Variants in FANCD2 observed in about 807,000 individuals in gnomAD.
FANCD2 encodes FA complementation group D2.
FANCD2 carries 131 observed loss-of-function variants against 192.3 expected under a neutral mutation model. The observed-to-expected ratio is 0.68, with a 90% CI of 0.59 to 0.79. The LOEUF is 0.79. Among genes scored for constraint, FANCD2 ranks in the 30% least tolerant of loss-of-function variants. The probability of loss-of-function intolerance (pLI) is 0.00; values close to 1 mark genes in which losing one functional copy is unlikely to be tolerated. For missense variants in FANCD2, 1,508 were observed against 1,701.6 expected, an observed-to-expected ratio of 0.89 and a Z score of 2.00; for synonymous variants, 524 against 612.5, an observed-to-expected ratio of 0.86 and a Z score of 2.13.
chr3:10,059,442 A>G (rs536045051), intron 18 of FANCD2, among the ~76,000 whole-genome samples: 118 of 152,276 alleles, frequency 7.7e-4, no homozygotes, highest in Admixed American at 4.9e-3. Flanking sequence ...ATTATTATTG[A>G]ATGTCTATCA....
chr3:10,064,906 T>C (rs2087675581), intron 23 of FANCD2, 31 bp downstream of exon 23: 1 of 1,611,670 alleles, frequency 6.2e-7, no homozygotes, highest in Admixed American at 1.7e-5. Flanking sequence ...CTAAACCTGT[T>C]AGTGTTTTGA....
At chr3:10,077,769 C>T (rs1257120959) in intron 29 of FANCD2, among the ~76,000 whole-genome samples, 2 of 151,796 alleles carry the variant, frequency 1.3e-5, no homozygotes, top group Non-Finnish European at 1.5e-5. Context: ...GTGGTTCATA[C>T]CTGTAATCCT....
intron 26 of FANCD2, among the ~76,000 whole-genome samples, chr3:10,068,306 A>T (rs959944088): frequency 7.9e-5 from 12 of 152,332 alleles, no homozygotes; most frequent in African/African-American, 2.6e-4. Flanking sequence ...CAAAATCATC[A>T]TATAAAAATG....
chr3:10,074,392 C>A, intron 28 of FANCD2, 138 bp from the exon 29 acceptor site: 1 of 751,856 alleles, frequency 1.3e-6, no homozygotes, highest in Non-Finnish European at 2.1e-6. Flanking sequence ...GGGACTTGGG[C>A]TAGAGGAAGT....
chr3:10,042,429 T>G lies in FANCD2; in HGVS notation c.784-130T>G, dbSNP rs564373560. 1.3e-5 allele frequency: 10 copies of G among 789,116 alleles called. No individual in the cohort carries two copies. In the Admixed American group the frequency reaches 1.5e-4, roughly 12 times the overall value. 48.9% of individuals were successfully genotyped at this position (789,116 alleles called of 1,614,324 possible). ...TTTGGGGAAAAATCTAAAATTTTGT[T>G]TTTCCCTAAATTATAAGTGGGAAGA... On this transcript the variant is annotated intron_variant, in intron 10 of 43. Transcript: ENST00000675286.
intron 25 of FANCD2, 63 bp downstream of exon 25, chr3:10,066,042 A>T (rs2087711108): frequency 9.6e-7 from 1 of 1,039,952 alleles, no homozygotes; most frequent in South Asian, 1.3e-5. Context: ...CTATTTTCTT[A>T]GTTCCCACAA....
At chr3:10,048,627 A>G (rs1415487656) in intron 16 of FANCD2, among the ~76,000 whole-genome samples, 2 of 152,218 alleles carry the variant, frequency 1.3e-5, no homozygotes, top group South Asian at 2.1e-4. Flanking sequence ...AATAGCATAT[A>G]TCCAGAGAGG....
chr3:10,055,766 C>T (rs2087390873), intron 18 of FANCD2, among the ~76,000 whole-genome samples: 1 of 151,418 alleles, frequency 6.6e-6, no homozygotes, highest in Non-Finnish European at 1.5e-5. Context: ...GAGCCGAGAT[C>T]GCATCACTGC....
chr3:10,068,720 G>A (rs2087787257), intron 26 of FANCD2, among the ~76,000 whole-genome samples: 2 of 150,838 alleles, frequency 1.3e-5, no homozygotes, highest in South Asian at 4.2e-4. Context: ...GAAACTGGAG[G>A]AATCGCATTA....
chr3:10,038,652 C>G (rs2086789239), intron 7 of FANCD2, among the ~76,000 whole-genome samples: 2 of 147,606 alleles, frequency 1.4e-5, no homozygotes, highest in Non-Finnish European at 3.0e-5. Context: ...ACGATCTCAA[C>G]TCACTGCAAC....
Position 10,092,231 on chromosome 3 carries a change from T to C in FANCD2, c.3828T>C (p.Ser1276=). 6.2e-7 allele frequency: 1 copy of C among 1,613,716 alleles called. No homozygotes were observed. Among genetic ancestry groups the C allele is most frequent in the Non-Finnish European group, 8.5e-7 (1 of 1,179,596 alleles). Residue 1276 remains serine (S), a synonymous_variant, in exon 38 of 44, where the codon AGT becomes AGC. Transcript: ENST00000675286. ...GGAACATGGCTGTTCGAGACTTCAG[T>C]ATCCTCATCAACTTGATAAAGGTGA... ...LYWNMAVRDF[S]ILINLIKVFD...
At chr3:10,084,032 C>T (rs1040654256) in intron 32 of FANCD2, among the ~76,000 whole-genome samples, 2 of 151,584 alleles carry the variant, frequency 1.3e-5, no homozygotes, top group Non-Finnish European at 2.9e-5. Flanking sequence ...CTCACTCTGT[C>T]GCTCAGGCTG....
chr3:10,073,475 C>G lies in FANCD2; in HGVS notation c.2715+113C>G, dbSNP rs35403996. 5.2e-3 allele frequency: 4,560 copies of G among 878,450 alleles called. 148 individuals are homozygous for G. In the African/African-American group the frequency reaches 0.067, roughly 13 times the overall value. The allele number at this position is 878,450 out of a possible 1,614,324, so 54.4% of individuals were successfully genotyped here. ...AAAAAAAAATTAGGAAACAGCGAGC[C>G]AAAACTCTCTTAGGCGTTGGAGTAA... On this transcript the variant is annotated intron_variant, in intron 28 of 43. Coordinates refer to ENST00000675286, the MANE Select transcript of FANCD2 (RefSeq NM_001018115.3).
chr3:10,060,044 G>T (rs2087520054), intron 18 of FANCD2, among the ~76,000 whole-genome samples: 2 of 151,750 alleles, frequency 1.3e-5, no homozygotes, highest in African/African-American at 4.8e-5. Context: ...GCGGGTGCCT[G>T]TAATCCCAGT....
At chr3:10,100,458 GTCTCCCGAGTTCAAGCAAT>G (rs1164185662) in intron 43 of FANCD2, among the ~76,000 whole-genome samples, 1 of 152,104 alleles carries the variant, frequency 6.6e-6, no homozygotes, top group Non-Finnish European at 1.5e-5. Context: ...ACTGCAGTCT[GTCTCCCGAGTTCAAGCAAT>G]TCTCCTGCCT....
At chr3:10,071,508 A>G (rs542754825) in intron 26 of FANCD2, among the ~76,000 whole-genome samples, 6 of 152,236 alleles carry the variant, frequency 3.9e-5, no homozygotes, top group Non-Finnish European at 8.8e-5. Flanking sequence ...ATTCAGCCAT[A>G]AAAAACAATG....
intron 26 of FANCD2, among the ~76,000 whole-genome samples, chr3:10,070,555 G>A (rs1490826827): frequency 7.0e-6 from 1 of 142,834 alleles, no homozygotes; most frequent in Admixed American, 6.9e-5. Context: ...GAGGTGAGGG[G>A]CGCCTCTGCC....
chr3:10,052,388 G>T lies in FANCD2; in HGVS notation c.1547G>T (p.Gly516Val). 6.3e-7 allele frequency: 1 copy of T among 1,592,380 alleles called. No homozygotes were observed. The highest frequency in any genetic ancestry group is 8.6e-7 in the Non-Finnish European group (1 of 1,160,352). Residue 516 changes from glycine (G) to valine (V), a missense_variant and splice_region_variant, in exon 18 of 44, where the codon GGC becomes GTC. Physicochemically the swap from Gly to Val is moderately radical, Grantham distance 109. Around this residue, in one of 5 missense-constraint regions of FANCD2, gnomAD observed 110 missense variants for 114.4 expected, o/e 0.96. Transcript: ENST00000675286. ...AMMMNAVFVKGILDYLDNISP... is the reference protein window; with the variant it reads ...AMMMNAVFVKVILDYLDNISP... ...TTGTTGGCATCATTTTTTCCACAGG[G>T]CATTTTAGATTATCTGGATAACATA...
At chr3:10,070,615 C>T (rs1405362599) in intron 26 of FANCD2, among the ~76,000 whole-genome samples, 31 of 145,570 alleles carry the variant, frequency 2.1e-4, no homozygotes, top group African/African-American at 3.8e-4. Flanking sequence ...GCCACCACCC[C>T]GTCTGGGAGG....
Sources: gnomAD v4.1 joint callset for allele counts (sites outside exome capture counted in the v4.1 genomes callset) on GRCh38, gnomAD v4.1.1 for gene constraint, gnomAD v4.1.1 regional missense constraint, MANE v1.5 for transcripts, NCBI Gene and HGNC (gene_info 2026-07-23, HGNC 2026-07-21) for gene names.